Variants in DPT observed in about 807,000 individuals in gnomAD.
DPT encodes the protein dermatopontin.
In DPT, 21 loss-of-function variants were observed where a neutral mutation model predicts 31.2. That is an observed-to-expected ratio of 0.67 (90% CI 0.48 to 0.97). The LOEUF is 0.97. Ranked by LOEUF, DPT falls within the 50% of genes least tolerant of loss-of-function variation. The probability of loss-of-function intolerance (pLI) is 0.00; values close to 1 mark genes in which losing one functional copy is unlikely to be tolerated. For missense variants in DPT, 262 were observed against 258.8 expected (o/e 1.01, Z -0.08); for synonymous variants, 91 against 86.9 (o/e 1.05, Z -0.26).
chr1:168,709,267 T>C (rs2101903759), intron 2 of DPT, among the ~76,000 whole-genome samples: 1 of 152,262 alleles, frequency 6.6e-6, no homozygotes, highest in Non-Finnish European at 1.5e-5. Flanking sequence ...GCTGAGCTGT[T>C]TGGAGAAGAG....
chr1:168,725,399 G>A lies in DPT; in HGVS notation c.305+3471C>T, dbSNP rs186512498. On this transcript the variant is annotated intron_variant, in intron 1 of 3. Transcript: ENST00000367817. The stretch of plus-strand genomic sequence containing the variant: ...GAGATACCGAATGTCACAGATACAA[G>A]CAGGAGCTGTGAATCCAGGTTTCCT... 6.0e-5 allele frequency among the ~76,000 whole-genome samples: 9 copies of A among 150,258 alleles called. No homozygotes were observed. The East Asian group carries it at 1.8e-3, about 30-fold the overall frequency.
chr1:168,699,304 C>A (rs1649534532), intron 3 of DPT, among the ~76,000 whole-genome samples: 1 of 152,036 alleles, frequency 6.6e-6, no homozygotes, highest in Non-Finnish European at 1.5e-5. Context: ...TCTTTGAGTT[C>A]TTGAGCCTTT....
chr1:168,711,694 G>A (rs1023859576), intron 2 of DPT, among the ~76,000 whole-genome samples: 1 of 152,222 alleles, frequency 6.6e-6, no homozygotes, highest in African/African-American at 2.4e-5. Flanking sequence ...GCCTTTGAAT[G>A]TCCTGTTAGT....
chr1:168,696,264 A>G lies in DPT; in HGVS notation c.*285T>C. 2.3e-6 allele frequency: 1 copy of G among 433,186 alleles called. No homozygotes were observed. The highest frequency in any genetic ancestry group is 3.4e-5 in the East Asian group (1 of 29,426). 26.8% of individuals were successfully genotyped at this position (433,186 alleles called of 1,614,324 possible). The stretch of plus-strand genomic sequence containing the variant: ...CTGGTGCTCCAGAAGCCCGGCTGTA[A>G]GCATGCGCACTGTATATGTGGTGTG... On this transcript the variant is annotated 3_prime_UTR_variant, in exon 4 of 4. Transcript: ENST00000367817.
intron 1 of DPT, among the ~76,000 whole-genome samples, chr1:168,719,793 T>A (rs1190047942): frequency 4.2e-5 from 3 of 71,316 alleles, no homozygotes; most frequent in Non-Finnish European, 7.5e-5. Flanking sequence ...TGAGAAGACA[T>A]ACTTTTTTTT....
rs556172299 is a variant in DPT, at chr1:168,716,600, C to T, written c.306-2254G>A. Among the ~76,000 whole-genome samples the T allele has an allele frequency of 3.0e-4, 45 of 152,198 alleles. No homozygotes were observed. The South Asian group carries it at 8.7e-3, about 29-fold the overall frequency. On this transcript the variant is annotated intron_variant, in intron 1 of 3. Coordinates refer to ENST00000367817, the MANE Select transcript of DPT (RefSeq NM_001937.5). ...AAGTACAGAATGTACAGGTTTATTA[C>T]ATAGGTATATGTGTGCCATTGTGGT... is the stretch of plus-strand genomic sequence containing the variant.
At chr1:168,722,361 C>A (rs181967686) in intron 1 of DPT, among the ~76,000 whole-genome samples, 18 of 152,200 alleles carry the variant, frequency 1.2e-4, no homozygotes, top group African/African-American at 4.1e-4. Context: ...GCTCTGTAAT[C>A]TAGCAATTTG....
At chr1:168,711,098 C>A (rs1017384665) in intron 2 of DPT, among the ~76,000 whole-genome samples, 5 of 151,684 alleles carry the variant, frequency 3.3e-5, no homozygotes, top group African/African-American at 9.7e-5. Context: ...GCGAGCTCCA[C>A]CTCCTGGGTT....
rs185722272 is a variant in DPT at position 168,701,452 on chromosome 1, A to G, written c.432-328T>C. Among the ~76,000 whole-genome samples, 72 of 152,352 alleles carry G rather than the reference A, an allele frequency of 4.7e-4. 3 individuals are homozygous for G. The East Asian group carries it at 0.013, about 27-fold the overall frequency. On this transcript the variant is annotated intron_variant, in intron 2 of 3. Coordinates refer to ENST00000367817, the MANE Select transcript of DPT (RefSeq NM_001937.5). ...CTATTCTATTCAAGTCAACTAAGAC[A>G]ATGTTTTCAAATTTTAGATTATGAT...
rs766987813 is a variant in DPT, at chr1:168,696,227, G to C, written c.*322C>G. The C allele has an allele frequency of 3.5e-5, 15 of 434,010 alleles. No homozygotes were observed. Among genetic ancestry groups the C allele is most frequent in the Admixed American group, 1.2e-4 (3 of 25,364 alleles). 26.9% of individuals were successfully genotyped at this position (434,010 alleles called of 1,614,324 possible). A position where few individuals can be genotyped will look rare whatever the true frequency, so the allele number is the denominator to read the frequency against. On this transcript the variant is annotated 3_prime_UTR_variant, in exon 4 of 4. Coordinates refer to ENST00000367817, the MANE Select transcript of DPT (RefSeq NM_001937.5). ...GTTCATTCTGCAGTAAAAAGCAGTA[G>C]CCAGGCTGCAGCTGGTGCTCCAGAA...
chr1:168,710,629 A>G (rs1649832017), intron 2 of DPT, among the ~76,000 whole-genome samples: 1 of 152,214 alleles, frequency 6.6e-6, no homozygotes, highest in Non-Finnish European at 1.5e-5. Context: ...TATGATCATT[A>G]CATTTTTAGC....
intron 2 of DPT, among the ~76,000 whole-genome samples, chr1:168,709,012 G>A (rs1381065233): frequency 6.6e-5 from 10 of 152,244 alleles, no homozygotes; most frequent in Non-Finnish European, 1.3e-4. Flanking sequence ...CACACAGAGA[G>A]TGGGGAAGTA....
At chr1:168,704,181 T>A (rs1410503152) in intron 2 of DPT, among the ~76,000 whole-genome samples, 1 of 152,186 alleles carries the variant, frequency 6.6e-6, no homozygotes, top group Non-Finnish European at 1.5e-5. Flanking sequence ...CCTTGTGAAT[T>A]ACTAGGTCAC....
At chr1:168,714,590 C>T (rs6674866) in intron 1 of DPT, among the ~76,000 whole-genome samples, 17,661 of 152,216 alleles carry the variant, frequency 0.12, 1,190 homozygotes, top group African/African-American at 0.19. Flanking sequence ...TGTCATACCT[C>T]TTTCAATATA....
intron 2 of DPT, among the ~76,000 whole-genome samples, chr1:168,707,206 G>A (rs1649739358): frequency 6.6e-6 from 1 of 152,112 alleles, no homozygotes; most frequent in South Asian, 2.1e-4. Flanking sequence ...AGGATTAAAT[G>A]CAGTAACACA....
At chr1:168,697,513 T>C (rs868073607) in intron 3 of DPT, among the ~76,000 whole-genome samples, 14 of 152,166 alleles carry the variant, frequency 9.2e-5, no homozygotes, top group Non-Finnish European at 1.9e-4. Context: ...ATGGGAAGAG[T>C]GTACATAGCA....
At chr1:168,727,578 C>G (rs1418919778) in intron 1 of DPT, among the ~76,000 whole-genome samples, 1 of 150,664 alleles carries the variant, frequency 6.6e-6, no homozygotes, top group Non-Finnish European at 1.5e-5. Flanking sequence ...TGCTCTGCCA[C>G]CCAGGAGGGA....
intron 2 of DPT, among the ~76,000 whole-genome samples, chr1:168,701,549 C>G (rs1196335184): frequency 6.6e-6 from 1 of 152,136 alleles, no homozygotes; most frequent in African/African-American, 2.4e-5. Context: ...AATATAAAAG[C>G]ATGCATCACA....
At position 168,728,862 on chromosome 1, in the gene DPT, G is replaced by A. The variant is rs1485211950; in HGVS notation, c.305+8C>T. The A allele has an allele frequency of 1.2e-6, 2 of 1,613,716 alleles. No homozygotes were observed. The highest frequency in any genetic ancestry group is 3.3e-5 in the Admixed American group (2 of 60,006). ...CAGCCCCAGTGCAGTGCAGGGACTG[G>A]CCCTTACCATTCCATGCCAGCCCTG... On this transcript the variant is annotated splice_region_variant and intron_variant, in intron 1 of 3. Transcript: ENST00000367817.
Sources: allele counts gnomAD v4.1 joint callset (sites outside exome capture counted in the v4.1 genomes callset), GRCh38; gene constraint gnomAD v4.1.1; transcripts MANE v1.5; gene names NCBI Gene and HGNC (gene_info 2026-07-23, HGNC 2026-07-21).